CERS6: variants seen among roughly 807,000 people sequenced by gnomAD.
CERS6 encodes LAG1 homolog, ceramide synthase 6.
A neutral mutation model predicts 56.8 loss-of-function variants in CERS6; 26 were observed. The ratio of observed to expected loss-of-function variants is 0.46; its 90% CI spans 0.34 to 0.63. The LOEUF is 0.63. Among genes scored for constraint, CERS6 ranks in the 30% least tolerant of loss-of-function variants. The probability of loss-of-function intolerance (pLI) is 0.01; values close to 1 mark genes in which losing one functional copy is unlikely to be tolerated. For synonymous variants in CERS6, 164 were observed against 173.3 expected, an observed-to-expected ratio of 0.95 and a Z score of 0.42; for missense variants, 415 against 467.5, an observed-to-expected ratio of 0.89 and a Z score of 1.04.
chr2:168,592,027 A>G (rs185320010), intron 3 of CERS6, among the ~76,000 whole-genome samples: 83 of 152,310 alleles, frequency 5.4e-4, no homozygotes, highest in Admixed American at 1.8e-3. Context: ...CCGACTTTCA[A>G]CTGAGTGTCA....
At chr2:168,644,183 T>C in intron 4 of CERS6, 1 of 949,578 alleles carries the variant, frequency 1.1e-6, no homozygotes, top group South Asian at 4.9e-5. Flanking sequence ...TGAAAATAGA[T>C]GTCTAGGATT....
intron 6 of CERS6, among the ~76,000 whole-genome samples, chr2:168,700,657 G>A (rs1234595782): frequency 1.3e-5 from 2 of 152,158 alleles, no homozygotes; most frequent in Non-Finnish European, 2.9e-5. Context: ...ATGAGCTCTG[G>A]AGTTTGTCTA....
At position 168,770,450 on chromosome 2, in the gene CERS6, C is replaced by T. The variant is rs570275831; in HGVS notation, c.*788C>T. 1.1e-4 allele frequency: 17 copies of T among 152,442 alleles called. No homozygotes were observed. The highest frequency in any genetic ancestry group is 3.9e-4 in the African/African-American group (16 of 41,534). 9.4% of individuals were successfully genotyped at this position (152,442 alleles called of 1,614,324 possible). ...TGCTCTGATTTTGAAGGAGGATATT[C>T]ACTGAAGCTCATAGTTATAAACAAG... On this transcript the variant is annotated 3_prime_UTR_variant, in exon 10 of 10. Coordinates refer to ENST00000305747, the MANE Select transcript of CERS6 (RefSeq NM_203463.3).
intron 1 of CERS6, among the ~76,000 whole-genome samples, chr2:168,473,868 T>C (rs1054548685): frequency 2.6e-5 from 4 of 152,202 alleles, no homozygotes; most frequent in African/African-American, 9.7e-5. Flanking sequence ...TGTCTACATA[T>C]GTATGTATAT....
At chr2:168,562,291 A>T (rs1276758169) in intron 3 of CERS6, among the ~76,000 whole-genome samples, 1 of 152,160 alleles carries the variant, frequency 6.6e-6, no homozygotes, top group Non-Finnish European at 1.5e-5. Context: ...GGGTATTTCT[A>T]GTCGGGTGGG....
At chr2:168,556,463 C>G (rs1558996486) in intron 2 of CERS6, among the ~76,000 whole-genome samples, 1 of 152,126 alleles carries the variant, frequency 6.6e-6, no homozygotes, top group Non-Finnish European at 1.5e-5. Context: ...TGCTACATGA[C>G]AGATGTATTT....
intron 1 of CERS6, among the ~76,000 whole-genome samples, chr2:168,530,407 T>C (rs1043095781): frequency 6.6e-6 from 1 of 152,224 alleles, no homozygotes; most frequent in African/African-American, 2.4e-5. Flanking sequence ...AGTACCACAA[T>C]ACTGTGCAAA....
chr2:168,566,317 A>C (rs1695882193), intron 3 of CERS6, among the ~76,000 whole-genome samples: 1 of 152,184 alleles, frequency 6.6e-6, no homozygotes, highest in Non-Finnish European at 1.5e-5. Context: ...ATGACAGCTT[A>C]AGATTCCCTT....
intron 1 of CERS6, among the ~76,000 whole-genome samples, chr2:168,493,206 A>T (rs563710780): frequency 5.9e-5 from 9 of 152,072 alleles, no homozygotes; most frequent in South Asian, 2.1e-4. Flanking sequence ...ATGAAAAAAA[A>T]TTTTTTTTCT....
intron 1 of CERS6, among the ~76,000 whole-genome samples, chr2:168,535,788 G>A (rs967558380): frequency 6.9e-6 from 1 of 144,174 alleles, no homozygotes; most frequent in South Asian, 2.3e-4. Context: ...ATTAAACTTC[G>A]ACATGAGAAA....
At chr2:168,622,211 G>T (rs1290845344) in intron 3 of CERS6, among the ~76,000 whole-genome samples, 1 of 152,154 alleles carries the variant, frequency 6.6e-6, no homozygotes, top group East Asian at 1.9e-4. Flanking sequence ...AAGAAGAATT[G>T]TCTTGGGCCA....
intron 4 of CERS6, among the ~76,000 whole-genome samples, chr2:168,662,298 A>C (rs1685651148): frequency 6.6e-6 from 1 of 152,200 alleles, no homozygotes; most frequent in African/African-American, 2.4e-5. Context: ...TCTGGATTTC[A>C]TACAGTAGTC....
chr2:168,689,087 A>G (rs533894959), intron 4 of CERS6, among the ~76,000 whole-genome samples: 13 of 152,168 alleles, frequency 8.5e-5, no homozygotes, highest in Non-Finnish European at 1.3e-4. Context: ...CACATGCCCA[A>G]TGGTCTTGGG....
At chr2:168,494,887 C>T (rs1452623055) in intron 1 of CERS6, among the ~76,000 whole-genome samples, 1 of 152,106 alleles carries the variant, frequency 6.6e-6, no homozygotes, top group Non-Finnish European at 1.5e-5. Flanking sequence ...TGGGGTGGGC[C>T]AGGGGTTCAG....
intron 8 of CERS6, among the ~76,000 whole-genome samples, chr2:168,734,628 CTG>C (rs556100377): frequency 6.6e-6 from 1 of 152,218 alleles, no homozygotes; most frequent in East Asian, 1.9e-4. Flanking sequence ...GTTAATCAGA[CTG>C]TATATTGGGA....
At chr2:168,581,098 A>G (rs1184733751) in intron 3 of CERS6, among the ~76,000 whole-genome samples, 4 of 151,272 alleles carry the variant, frequency 2.6e-5, no homozygotes, top group Non-Finnish European at 5.9e-5. Context: ...GGCTCACTGC[A>G]ACCTCTGCCT....
At chr2:168,570,673 A>C (rs1326285347) in intron 3 of CERS6, among the ~76,000 whole-genome samples, 1 of 152,104 alleles carries the variant, frequency 6.6e-6, no homozygotes, top group Admixed American at 6.6e-5. Flanking sequence ...TACAAGAGGC[A>C]ACTGATCTTG....
intron 3 of CERS6, among the ~76,000 whole-genome samples, chr2:168,628,681 G>C (rs1392383593): frequency 2.0e-5 from 3 of 152,164 alleles, no homozygotes; most frequent in Admixed American, 6.5e-5. Context: ...CAAAGTTTCC[G>C]ACTGATACAG....
chr2:168,538,916 A>G (rs975695148), intron 1 of CERS6, among the ~76,000 whole-genome samples: 3 of 151,884 alleles, frequency 2.0e-5, no homozygotes, highest in African/African-American at 7.3e-5. Flanking sequence ...TTTTAACAAT[A>G]CCTCTTTAAT....
Sources: allele counts gnomAD v4.1 joint callset (sites outside exome capture counted in the v4.1 genomes callset), GRCh38; gene constraint gnomAD v4.1.1; transcripts MANE v1.5; gene names NCBI Gene and HGNC (gene_info 2026-07-23, HGNC 2026-07-21).